The following RYR2 variants were observed in gnomAD, a reference collection of about 807,000 sequenced individuals.
The protein encoded by RYR2 is ryanodine receptor 2.
In RYR2, 227 loss-of-function variants were observed where a neutral mutation model predicts 601.1. The ratio of observed to expected loss-of-function variants is 0.38; its 90% CI spans 0.34 to 0.42. The LOEUF (loss-of-function observed/expected upper bound fraction) is 0.42. Among genes scored for constraint, RYR2 ranks in the 10% least tolerant of loss-of-function variants. The pLI is 1.00. For synonymous variants in RYR2, 2,223 were observed against 2,175.1 expected (o/e 1.02, Z -0.61); for missense variants, 4,646 against 6,156.5 (o/e 0.75, Z 8.21).
chr1:237,066,011 C>A (rs1663563139), intron 1 of RYR2, among the ~76,000 whole-genome samples: 1 of 152,198 alleles, frequency 6.6e-6, no homozygotes, highest in Admixed American at 6.5e-5. Flanking sequence ...CCCAACCAGA[C>A]CCCACCTCCA....
chr1:237,152,036 G>A (rs1674760820), intron 1 of RYR2, among the ~76,000 whole-genome samples: 1 of 151,996 alleles, frequency 6.6e-6, no homozygotes, highest in Non-Finnish European at 1.5e-5. Flanking sequence ...CCCAGTGTGT[G>A]TTGTTCCCCT....
At chr1:237,199,520 G>A (rs1680947312) in intron 1 of RYR2, among the ~76,000 whole-genome samples, 1 of 152,200 alleles carries the variant, frequency 6.6e-6, no homozygotes, top group African/African-American at 2.4e-5. Flanking sequence ...TTTTCTGCCT[G>A]CTTTTATTCT....
At chr1:237,222,934 A>C (rs1263791760) in intron 1 of RYR2, among the ~76,000 whole-genome samples, 1 of 152,122 alleles carries the variant, frequency 6.6e-6, no homozygotes, top group Non-Finnish European at 1.5e-5. Context: ...GCATGGTGGC[A>C]CATGCTTGTA....
At chr1:237,113,236 T>C (rs1014656131) in intron 1 of RYR2, among the ~76,000 whole-genome samples, 2 of 152,140 alleles carry the variant, frequency 1.3e-5, no homozygotes. Context: ...TCTCACTCTG[T>C]CGCCCAGACT....
At chr1:237,670,787 G>A (rs1684858190) in intron 58 of RYR2, among the ~76,000 whole-genome samples, 1 of 152,002 alleles carries the variant, frequency 6.6e-6, no homozygotes, top group Non-Finnish European at 1.5e-5. Context: ...ATACTTACTG[G>A]TTCAGCATCC....
At chr1:237,778,535 C>CCTAT (rs1384276100) in intron 87 of RYR2, 131 bp from the exon 88 acceptor site, 8 of 463,122 alleles carry the variant, frequency 1.7e-5, no homozygotes, top group Admixed American at 7.4e-5. Flanking sequence ...ACTTTGAGTT[C>CCTAT]CTATCTTTTC....
chr1:237,333,708 T>C (rs560972887), intron 3 of RYR2: 23 of 453,232 alleles, frequency 5.1e-5, no homozygotes, highest in African/African-American at 3.8e-4. Context: ...TCTTTTCTAG[T>C]GCCTTATAAT....
At chr1:237,331,780 C>T (rs2160857) in intron 3 of RYR2, among the ~76,000 whole-genome samples, 57,939 of 151,560 alleles carry the variant, frequency 0.38, 11,404 homozygotes, top group African/African-American at 0.49. Context: ...TCCCAAAGTG[C>T]TGGGATTACA....
chr1:237,725,628 G>T (rs1397004574), intron 74 of RYR2, among the ~76,000 whole-genome samples: 1 of 152,034 alleles, frequency 6.6e-6, no homozygotes, highest in Non-Finnish European at 1.5e-5. Context: ...AGGGTTACAA[G>T]GTACATCTTT....
intron 25 of RYR2, among the ~76,000 whole-genome samples, chr1:237,541,027 A>G (rs1225000690): frequency 6.6e-6 from 1 of 152,228 alleles, no homozygotes; most frequent in South Asian, 2.1e-4. Context: ...CATAGACACA[A>G]GCACATGTAC....
At chr1:237,248,743 C>T (rs1043246162) in intron 1 of RYR2, among the ~76,000 whole-genome samples, 2 of 148,350 alleles carry the variant, frequency 1.3e-5, no homozygotes, top group African/African-American at 5.0e-5. Context: ...GATGACTAGA[C>T]ATTGAATGAA....
Position 237,699,080 on chromosome 1 carries a change from T to C in RYR2, c.9128+55T>C. 2 of 791,572 alleles carry C rather than the reference T, an allele frequency of 2.5e-6. 1 individual carries two copies. The highest frequency in any genetic ancestry group is 3.9e-5 in the South Asian group (2 of 51,622). The allele number at this position is 791,572 out of a possible 1,614,324, so 49.0% of individuals were successfully genotyped here. ...TTACTATAATAATGATACATGTATA[T>C]ATATAAGAATATTAAGAAGGACCCA... On this transcript the variant is annotated intron_variant, in intron 64 of 104. Transcript: ENST00000366574.
At chr1:237,497,412 C>A (rs919687468) in intron 20 of RYR2, among the ~76,000 whole-genome samples, 2 of 152,154 alleles carry the variant, frequency 1.3e-5, no homozygotes, top group Non-Finnish European at 2.9e-5. Flanking sequence ...TTCTCTGATT[C>A]ATGAAGAAGT....
At chr1:237,374,616 C>A in intron 6 of RYR2, 101 bp from the exon 7 acceptor site, 1 of 912,832 alleles carries the variant, frequency 1.1e-6, no homozygotes, top group Non-Finnish European at 1.7e-6. Flanking sequence ...TGTGATCACG[C>A]CACTGCACTT....
chr1:237,793,648 A>G (rs898770091), intron 94 of RYR2, among the ~76,000 whole-genome samples: 2 of 152,198 alleles, frequency 1.3e-5, no homozygotes, highest in Admixed American at 6.5e-5. Context: ...GTTTAAAAAC[A>G]TATGCATATA....
intron 2 of RYR2, among the ~76,000 whole-genome samples, chr1:237,308,213 A>G: frequency 6.6e-6 from 1 of 152,216 alleles, no homozygotes; most frequent in South Asian, 2.1e-4. Flanking sequence ...TAAAGATAAT[A>G]ATATCGATTC....
intron 4 of RYR2, among the ~76,000 whole-genome samples, chr1:237,362,956 G>A (rs1392132421): frequency 1.3e-5 from 2 of 151,840 alleles, no homozygotes; most frequent in African/African-American, 2.4e-5. Flanking sequence ...AGCAGACCTC[G>A]GTCACTTGGC....
intron 23 of RYR2, among the ~76,000 whole-genome samples, chr1:237,508,813 G>T (rs1414783743): frequency 5.1e-5 from 7 of 138,542 alleles, no homozygotes; most frequent in Non-Finnish European, 9.1e-5. Flanking sequence ...CGGGATCTCG[G>T]CTCACTGCAA....
intron 101 of RYR2, among the ~76,000 whole-genome samples, chr1:237,823,477 C>T (rs1574096267): frequency 6.6e-6 from 1 of 152,076 alleles, no homozygotes; most frequent in African/African-American, 2.4e-5. Flanking sequence ...TTCTTTGAAA[C>T]CGATGAGAAC....
Sources: gnomAD v4.1 joint callset for allele counts (sites outside exome capture counted in the v4.1 genomes callset) on GRCh38, gnomAD v4.1.1 for gene constraint, MANE v1.5 for transcripts, NCBI Gene and HGNC (gene_info 2026-07-23, HGNC 2026-07-21) for gene names.